PLS1: variants seen among roughly 807,000 people sequenced by gnomAD.
The protein encoded by PLS1 is plastin 1, also known as plastin-1.
In PLS1, 32 loss-of-function variants were observed where a neutral mutation model predicts 73.7. The ratio of observed to expected loss-of-function variants is 0.43; its 90% CI spans 0.33 to 0.58. The LOEUF is 0.58. Among genes scored for constraint, PLS1 ranks in the 20% least tolerant of loss-of-function variants. The pLI, the probability that PLS1 is intolerant of heterozygous loss-of-function variation, is 0.04. For missense variants in PLS1, 633 were observed against 740.5 expected, an observed-to-expected ratio of 0.85 and a Z score of 1.68; for synonymous variants, 217 against 261.3, an observed-to-expected ratio of 0.83 and a Z score of 1.63.
chr3:142,684,250 C>T lies in PLS1; in HGVS notation c.746-3C>T, dbSNP rs2037916850. 6.2e-7 allele frequency: 1 copy of T among 1,614,092 alleles called. No individual in the cohort carries two copies. Among genetic ancestry groups the T allele is most frequent in the Non-Finnish European group, 8.5e-7 (1 of 1,179,990 alleles). On this transcript the variant is annotated splice_region_variant and splice_polypyrimidine_tract_variant and intron_variant, in intron 7 of 15. Transcript: ENST00000457734. ...AATTTACATTTCGCTGTTTTGCCCT[C>T]AGCTCTGATTGCATTGTTAAATGAA... is the stretch of plus-strand genomic sequence containing the variant.
chr3:142,698,042 C>G lies in PLS1; in HGVS notation c.1346C>G (p.Pro449Arg), dbSNP rs745960383. Reference sequence around the variant, plus strand: ...AGCCATGTCAACAAACCTCCTTATCCTGCCCTTGGAGGGAACATGAAGAAG... The same window carrying G: ...AGCCATGTCAACAAACCTCCTTATCGTGCCCTTGGAGGGAACATGAAGAAG... ...NWSHVNKPPY[P>R]ALGGNMKKIE... The change falls in exon 12 of 16, where the codon CCT becomes CGT. Residue 449 changes from proline to arginine, a missense_variant. Transcript: ENST00000457734. The G allele has an allele frequency of 1.9e-6, 3 of 1,604,144 alleles. No homozygotes were observed. In the East Asian group the frequency reaches 6.7e-5, roughly 36 times the overall value.
Position 142,678,018 on chromosome 3 carries a change from C to A in PLS1, c.498-14C>A, listed in dbSNP as rs1269061438. ...TTGGAGTATTAAACTAAATTATTCT[C>A]ATTTTCTCTTTAGCAAAATGATCAA... On this transcript the variant is annotated splice_polypyrimidine_tract_variant and intron_variant, in intron 5 of 15. Coordinates refer to ENST00000457734, the MANE Select transcript of PLS1 (RefSeq NM_001145319.2). 2.2e-6 allele frequency: 3 copies of A among 1,383,460 alleles called. No individual in the cohort carries two copies. The highest frequency in any genetic ancestry group is 1.8e-4 in the Middle Eastern group (1 of 5,510). The allele number at this position is 1,383,460 out of a possible 1,614,324, so 85.7% of individuals were successfully genotyped here. A position where few individuals can be genotyped will look rare whatever the true frequency, so the allele number is the denominator to read the frequency against.
At chr3:142,656,783 G>T (rs763845341) in intron 1 of PLS1, 1 of 152,128 alleles carries the variant, frequency 6.6e-6, no homozygotes, top group Non-Finnish European at 1.5e-5. Context: ...TAGGAAAAGG[G>T]AAGGGCTGTG....
chr3:142,680,256 G>A (rs1343330576), intron 6 of PLS1, among the ~76,000 whole-genome samples: 1 of 152,080 alleles, frequency 6.6e-6, no homozygotes, highest in Non-Finnish European at 1.5e-5. Context: ...GTGGAGATGG[G>A]GTCTTGCTGT....
chr3:142,636,271 G>A (rs775052224), intron 1 of PLS1, among the ~76,000 whole-genome samples: 3 of 152,144 alleles, frequency 2.0e-5, no homozygotes, highest in Non-Finnish European at 4.4e-5. Context: ...GAATAGAATA[G>A]AAAGTCCATA....
chr3:142,600,478 C>T (rs928085517), intron 1 of PLS1, among the ~76,000 whole-genome samples: 2 of 152,004 alleles, frequency 1.3e-5, no homozygotes, highest in Admixed American at 6.6e-5. Context: ...GACCCAAGAA[C>T]ATGGGGGTGA....
At position 142,712,668 on chromosome 3, in the gene PLS1, C is replaced by CT. The variant is rs1933191094; in HGVS notation, c.*664dup. On this transcript the variant is annotated 3_prime_UTR_variant, in exon 16 of 16. Transcript: ENST00000457734. ...TACACATCCTAGTTTGGTAACACAG[C>CT]TTTAACTATGTCATGCAACATATAT... The CT allele has an allele frequency of 6.6e-6, 1 of 152,328 alleles. No homozygotes were observed. Among genetic ancestry groups the CT allele is most frequent in the South Asian group, 2.1e-4 (1 of 4,826 alleles). 9.4% of individuals were successfully genotyped at this position (152,328 alleles called of 1,614,324 possible). A position where few individuals can be genotyped will look rare whatever the true frequency, so the allele number is the denominator to read the frequency against.
At chr3:142,609,739 G>A (rs77871811) in intron 1 of PLS1, among the ~76,000 whole-genome samples, 3,837 of 152,310 alleles carry the variant, frequency 0.025, 62 homozygotes, top group South Asian at 0.059. Context: ...AATAATTTAT[G>A]TATAGCTGAT....
At chr3:142,604,376 C>A (rs2035982551) in intron 1 of PLS1, among the ~76,000 whole-genome samples, 1 of 152,172 alleles carries the variant, frequency 6.6e-6, no homozygotes, top group Non-Finnish European at 1.5e-5. Context: ...TGAATTCTTT[C>A]CTGGCGGTCT....
chr3:142,600,905 TATATATATA>T (rs1560024486), intron 1 of PLS1, among the ~76,000 whole-genome samples: 31 of 31,456 alleles, frequency 9.9e-4, no homozygotes, highest in South Asian at 3.5e-3. Flanking sequence ...TATATATATA[TATATATATA>T]TATTTTTTTT....
intron 1 of PLS1, among the ~76,000 whole-genome samples, chr3:142,643,558 T>C: frequency 6.6e-6 from 1 of 152,172 alleles, no homozygotes; most frequent in East Asian, 1.9e-4. Flanking sequence ...GAAGCAAGGC[T>C]ACGCTCACTG....
chr3:142,670,244 G>T (rs1258441151), intron 3 of PLS1, among the ~76,000 whole-genome samples: 2 of 152,186 alleles, frequency 1.3e-5, no homozygotes, highest in African/African-American at 2.4e-5. Context: ...GAGGCAGGTA[G>T]ACATGACAGC....
intron 11 of PLS1, among the ~76,000 whole-genome samples, chr3:142,696,521 A>C (rs1335892182): frequency 6.6e-6 from 1 of 152,060 alleles, no homozygotes; most frequent in Non-Finnish European, 1.5e-5. Context: ...CCCACCCCCA[A>C]GAATTTTTAG....
intron 8 of PLS1, among the ~76,000 whole-genome samples, chr3:142,685,930 G>A (rs1252085883): frequency 2.6e-5 from 4 of 152,068 alleles, no homozygotes; most frequent in African/African-American, 9.7e-5. Context: ...TACAGAAGAG[G>A]GGTTCTTAGT....
intron 1 of PLS1, among the ~76,000 whole-genome samples, chr3:142,617,820 AT>A (rs2036241965): frequency 6.6e-6 from 1 of 152,146 alleles, no homozygotes; most frequent in African/African-American, 2.4e-5. Flanking sequence ...TCTACTAAAA[AT>A]ACAAAAATTA....
At chr3:142,676,700 CT>C (rs570441281) in intron 5 of PLS1, among the ~76,000 whole-genome samples, 19 of 152,240 alleles carry the variant, frequency 1.2e-4, no homozygotes, top group Admixed American at 6.5e-4. Flanking sequence ...TTGATTCAGC[CT>C]TGTGTTATCC....
intron 1 of PLS1, among the ~76,000 whole-genome samples, chr3:142,658,431 A>G (rs2037288847): frequency 6.6e-6 from 1 of 151,286 alleles, no homozygotes; most frequent in Admixed American, 6.6e-5. Flanking sequence ...AGCTGAGATC[A>G]TGCCACTGCA....
intron 1 of PLS1, among the ~76,000 whole-genome samples, chr3:142,597,073 A>C (rs919819464): frequency 6.6e-6 from 1 of 152,180 alleles, no homozygotes; most frequent in Non-Finnish European, 1.5e-5. Context: ...AAAAAAATTT[A>C]AGATTTCTCC....
chr3:142,600,893 TATATATATATATATATATATATA>T (rs1560024329), intron 1 of PLS1, among the ~76,000 whole-genome samples: 7 of 25,654 alleles, frequency 2.7e-4, no homozygotes, highest in Non-Finnish European at 3.9e-4. Flanking sequence ...TATATATATA[TATATATATATATATATATATATA>T]TTTTTTTTTT....
Sources: allele counts gnomAD v4.1 joint callset (sites outside exome capture counted in the v4.1 genomes callset), GRCh38; gene constraint gnomAD v4.1.1; transcripts MANE v1.5; gene names NCBI Gene and HGNC (gene_info 2026-07-23, HGNC 2026-07-21).